TGFBR2: variants seen among roughly 807,000 people sequenced by gnomAD.
The protein encoded by TGFBR2 is TGF-beta receptor type-2.
Under a neutral mutation model 49.0 loss-of-function variants are expected in TGFBR2, and 18 were observed. The ratio of observed to expected loss-of-function variants is 0.37; its 90% CI spans 0.25 to 0.54. TGFBR2 has a LOEUF of 0.54. TGFBR2 is among the 20% of genes least tolerant of loss of function. TGFBR2 has a pLI of 0.85. For synonymous variants in TGFBR2, 282 were observed against 275.9 expected (o/e 1.02, Z -0.22); for missense variants, 525 against 722.6 (o/e 0.73, Z 3.13).
chr3:30,656,955 C>G (rs141932939), intron 3 of TGFBR2, among the ~76,000 whole-genome samples: 21 of 152,318 alleles, frequency 1.4e-4, no homozygotes, highest in African/African-American at 5.1e-4. Flanking sequence ...TGCACCTGTG[C>G]TAACTACTTT....
At chr3:30,641,587 C>T (rs1575142217) in intron 1 of TGFBR2, among the ~76,000 whole-genome samples, 1 of 152,102 alleles carries the variant, frequency 6.6e-6, no homozygotes, top group South Asian at 2.1e-4. Flanking sequence ...AATGTGGCAT[C>T]CCTGGCTGGG....
chr3:30,622,603 C>T lies in TGFBR2; in HGVS notation c.94+15626C>T, dbSNP rs1260058988. Among the ~76,000 whole-genome samples the T allele has an allele frequency of 2.0e-5, 3 of 151,960 alleles. No individual in the cohort carries two copies. The South Asian group carries it at 6.2e-4, about 32-fold the overall frequency. Reference sequence around the variant, plus strand: ...CAGGCAGATAGAAAACTAGTACCAGCCAGTGCAATGGCTCAGGCCTGTAAT... The same window carrying T: ...CAGGCAGATAGAAAACTAGTACCAGTCAGTGCAATGGCTCAGGCCTGTAAT... On this transcript the variant is annotated intron_variant, in intron 1 of 6. Transcript: ENST00000295754.
intron 1 of TGFBR2, among the ~76,000 whole-genome samples, chr3:30,608,831 G>T (rs1245828306): frequency 6.6e-6 from 1 of 152,124 alleles, no homozygotes; most frequent in Non-Finnish European, 1.5e-5. Flanking sequence ...TTTTCCTCCA[G>T]ACTTTTAAAA....
At chr3:30,632,855 C>T (rs1413874051) in intron 1 of TGFBR2, among the ~76,000 whole-genome samples, 1 of 152,182 alleles carries the variant, frequency 6.6e-6, no homozygotes, top group African/African-American at 2.4e-5. Flanking sequence ...ATGTAAGAGC[C>T]TGAATTCACA....
chr3:30,610,039 A>G (rs531137312), intron 1 of TGFBR2, among the ~76,000 whole-genome samples: 2 of 152,300 alleles, frequency 1.3e-5, no homozygotes, highest in South Asian at 4.2e-4. Flanking sequence ...CAGTAAGGTT[A>G]GTTTTTAACT....
chr3:30,664,632 G>T (rs529568656), intron 3 of TGFBR2, among the ~76,000 whole-genome samples: 22 of 152,210 alleles, frequency 1.4e-4, no homozygotes, highest in Non-Finnish European at 3.1e-4. Flanking sequence ...TAAACAATTT[G>T]TCTTATAACT....
chr3:30,677,433 C>T (rs1195543055), intron 5 of TGFBR2, among the ~76,000 whole-genome samples: 1 of 152,208 alleles, frequency 6.6e-6, no homozygotes, highest in Admixed American at 6.5e-5. Context: ...AGTCCTATTT[C>T]TCCCATCTTT....
chr3:30,673,201 A>C (rs1454959007), intron 4 of TGFBR2, among the ~76,000 whole-genome samples: 4 of 152,180 alleles, frequency 2.6e-5, no homozygotes, highest in Admixed American at 2.6e-4. Flanking sequence ...GTAAACATCG[A>C]AATATGGACA....
At chr3:30,666,601 A>G (rs1400635330) in intron 3 of TGFBR2, among the ~76,000 whole-genome samples, 3 of 151,730 alleles carry the variant, frequency 2.0e-5, no homozygotes, top group Non-Finnish European at 4.4e-5. Context: ...GAGCTTATAT[A>G]AAGTCATTCT....
chr3:30,624,310 A>T (rs538229008), intron 1 of TGFBR2, among the ~76,000 whole-genome samples: 1 of 152,198 alleles, frequency 6.6e-6, no homozygotes, highest in Non-Finnish European at 1.5e-5. Context: ...ACATTTTCAA[A>T]GAAAATGGCT....
At chr3:30,689,822 G>T (rs896850279) in intron 6 of TGFBR2, among the ~76,000 whole-genome samples, 1 of 152,166 alleles carries the variant, frequency 6.6e-6, no homozygotes, top group African/African-American at 2.4e-5. Flanking sequence ...ATTCTGAAAA[G>T]AATTTGCATA....
intron 3 of TGFBR2, among the ~76,000 whole-genome samples, chr3:30,666,638 CCAT>C (rs1699249229): frequency 7.3e-6 from 1 of 136,378 alleles, no homozygotes; most frequent in African/African-American, 2.7e-5. Flanking sequence ...CCCTACCCCC[CCAT>C]CCCCGCCCGC....
At chr3:30,690,343 C>A (rs1218459443) in intron 6 of TGFBR2, among the ~76,000 whole-genome samples, 2 of 152,224 alleles carry the variant, frequency 1.3e-5, no homozygotes, top group African/African-American at 2.4e-5. Context: ...AAAACTCTTG[C>A]CACCTTCCTG....
chr3:30,612,614 G>A (rs899296826), intron 1 of TGFBR2, among the ~76,000 whole-genome samples: 2 of 152,166 alleles, frequency 1.3e-5, no homozygotes, highest in African/African-American at 4.8e-5. Flanking sequence ...TGACAATGGT[G>A]TCTTAGTGGT....
At position 30,694,008 on chromosome 3, in the gene TGFBR2, T is replaced by G. The variant is rs1699755373; in HGVS notation, c.*2409T>G. On this transcript the variant is annotated 3_prime_UTR_variant, in exon 7 of 7. Transcript: ENST00000295754. ...ATGTGAATGCTATATACTCTTTTTA[T>G]ATCAAAAGTCTCAAGCACTTATTTT... 4.3e-6 allele frequency: 1 copy of G among 229,992 alleles called. No homozygotes were observed. The highest frequency in any genetic ancestry group is 8.6e-6 in the Non-Finnish European group (1 of 115,820). The allele number at this position is 229,992 out of a possible 1,614,324, so 14.2% of individuals were successfully genotyped here. A position where few individuals can be genotyped will look rare whatever the true frequency, so the allele number is the denominator to read the frequency against.
At chr3:30,627,439 G>A (rs1047627193) in intron 1 of TGFBR2, among the ~76,000 whole-genome samples, 4 of 151,870 alleles carry the variant, frequency 2.6e-5, no homozygotes, top group African/African-American at 9.7e-5. Context: ...GGGGAGATGA[G>A]GGCAATTGGT....
At chr3:30,657,389 G>A (rs967994503) in intron 3 of TGFBR2, among the ~76,000 whole-genome samples, 1 of 152,128 alleles carries the variant, frequency 6.6e-6, no homozygotes, top group African/African-American at 2.4e-5. Flanking sequence ...ATAAACGATG[G>A]CCAGTAAGAT....
intron 1 of TGFBR2, among the ~76,000 whole-genome samples, chr3:30,617,289 C>G (rs1698150166): frequency 6.6e-6 from 1 of 152,124 alleles, no homozygotes; most frequent in African/African-American, 2.4e-5. Context: ...TTAGCGTAGA[C>G]TAGGAATCTT....
At chr3:30,625,041 G>T (rs1461193172) in intron 1 of TGFBR2, among the ~76,000 whole-genome samples, 2 of 151,900 alleles carry the variant, frequency 1.3e-5, no homozygotes, top group South Asian at 2.1e-4. Flanking sequence ...TTTTTAAAAG[G>T]GATTCCATAG....
Sources: allele counts gnomAD v4.1 joint callset (sites outside exome capture counted in the v4.1 genomes callset), GRCh38; gene constraint gnomAD v4.1.1; transcripts MANE v1.5; gene names NCBI Gene and HGNC (gene_info 2026-07-23, HGNC 2026-07-21).